The following TIPIN variants were observed in gnomAD, a reference collection of about 807,000 sequenced individuals.
The protein encoded by TIPIN is TIMELESS-interacting protein.
Under a neutral mutation model 35.6 loss-of-function variants are expected in TIPIN, and 29 were observed. That is an observed-to-expected ratio of 0.82 (90% CI 0.61 to 1.11). The LOEUF (loss-of-function observed/expected upper bound fraction) is 1.11, where lower values mean the gene tolerates loss of function less well. TIPIN is among the 50% of genes most tolerant of loss of function. The pLI, the probability that TIPIN is intolerant of heterozygous loss-of-function variation, is 0.00. For synonymous variants in TIPIN, 102 were observed against 121.5 expected (o/e 0.84, Z 1.06); for missense variants, 296 against 345.4 (o/e 0.86, Z 1.13).
At chr15:66,385,979 C>T (rs1239960394) in intron 1 of TIPIN, among the ~76,000 whole-genome samples, 1 of 151,946 alleles carries the variant, frequency 6.6e-6, no homozygotes, top group Non-Finnish European at 1.5e-5. Flanking sequence ...CTATGTTGCC[C>T]AGGCTAGTCT....
intron 1 of TIPIN, chr15:66,382,876 G>A: frequency 1.2e-6 from 1 of 833,442 alleles, no homozygotes; most frequent in South Asian, 5.5e-5. Context: ...TCTTATTCTT[G>A]TCTGTATGGT....
At chr15:66,364,731 C>A (rs1252397922) in intron 1 of TIPIN, among the ~76,000 whole-genome samples, 1 of 151,864 alleles carries the variant, frequency 6.6e-6, no homozygotes, top group Non-Finnish European at 1.5e-5. Flanking sequence ...CTTTGGGAGG[C>A]CGAGGCAGGC....
chr15:66,347,337 A>G (rs550413346), intron 6 of TIPIN: 1 of 511,544 alleles, frequency 2.0e-6, no homozygotes, highest in South Asian at 1.4e-5. Flanking sequence ...TACCAGGAAC[A>G]GTCACAAAGG....
chr15:66,379,557 T>G, intron 1 of TIPIN: 1 of 1,611,232 alleles, frequency 6.2e-7, no homozygotes, highest in Non-Finnish European at 8.5e-7. Flanking sequence ...GATGTATTTT[T>G]CACCCAAGAA....
intron 7 of TIPIN, among the ~76,000 whole-genome samples, chr15:66,339,288 T>TG (rs1022531689): frequency 7.9e-5 from 12 of 151,856 alleles, no homozygotes; most frequent in Non-Finnish European, 1.3e-4. Flanking sequence ...TTCTTTTTTT[T>TG]TTTGTAGAGA....
At chr15:66,352,330 A>G in intron 2 of TIPIN, 123 bp from the exon 3 acceptor site, 1 of 724,096 alleles carries the variant, frequency 1.4e-6, no homozygotes, top group Non-Finnish European at 2.2e-6. Context: ...ACAGGGTCTC[A>G]CTCTGTTGCC....
chr15:66,366,311 G>A (rs1445809035), intron 1 of TIPIN, among the ~76,000 whole-genome samples: 1 of 151,752 alleles, frequency 6.6e-6, no homozygotes, highest in Non-Finnish European at 1.5e-5. Context: ...AAAATTAGCT[G>A]GGCATGGTGG....
At chr15:66,385,275 C>T (rs1227500735) in intron 1 of TIPIN, among the ~76,000 whole-genome samples, 1 of 152,166 alleles carries the variant, frequency 6.6e-6, no homozygotes, top group Non-Finnish European at 1.5e-5. Flanking sequence ...GTCACCAACA[C>T]CTGGCTGTGG....
chr15:66,379,078 G>A (rs761589947), intron 1 of TIPIN, among the ~76,000 whole-genome samples: 1 of 151,622 alleles, frequency 6.6e-6, no homozygotes, highest in Non-Finnish European at 1.5e-5. Flanking sequence ...TTGTAGAGAT[G>A]GAGTCTTCCC....
Position 66,376,352 on chromosome 15 carries a change from C to T in TIPIN, c.-9+10255G>A, listed in dbSNP as rs184562716. On this transcript the variant is annotated intron_variant, in intron 1 of 7. Transcript: ENST00000562124. The stretch of plus-strand genomic sequence containing the variant: ...CAGACAGATTCCAGTTTCTTTTTTT[C>T]TGTTTTAAATAATGCTGCAGTAATC... Among the ~76,000 whole-genome samples the T allele has an allele frequency of 2.3e-3, 352 of 151,988 alleles. 1 individual carries two copies. The highest frequency in any genetic ancestry group is 7.6e-3 in the African/African-American group (317 of 41,456).
At chr15:66,338,736 C>T (rs2093062515) in intron 7 of TIPIN, among the ~76,000 whole-genome samples, 1 of 145,760 alleles carries the variant, frequency 6.9e-6, no homozygotes, top group African/African-American at 2.6e-5. Context: ...ATGGCATGGA[C>T]ACGGGAGGCG....
upstream of TIPIN, among the ~76,000 whole-genome samples, chr15:66,358,275 A>AT (rs1011974905): frequency 1.3e-5 from 2 of 152,004 alleles, no homozygotes; most frequent in Non-Finnish European, 2.9e-5. Flanking sequence ...CTTAACTATA[A>AT]TTTTTTTTGA....
chr15:66,359,042 CAA>C (rs759382097), upstream of TIPIN, among the ~76,000 whole-genome samples: 5 of 133,180 alleles, frequency 3.8e-5, no homozygotes, highest in Non-Finnish European at 4.9e-5. Flanking sequence ...GACTCTGTCT[CAA>C]AAAAAAAAAA....
At chr15:66,337,877 A>G (rs528158759) in intron 7 of TIPIN, among the ~76,000 whole-genome samples, 2 of 152,214 alleles carry the variant, frequency 1.3e-5, no homozygotes, top group South Asian at 4.1e-4. Flanking sequence ...ACCAAAAAAA[A>G]ACAAAAAAAA....
At chr15:66,380,612 A>G (rs759687263) in intron 1 of TIPIN, among the ~76,000 whole-genome samples, 1 of 151,396 alleles carries the variant, frequency 6.6e-6, no homozygotes, top group Non-Finnish European at 1.5e-5. Context: ...GTCAGGAGTT[A>G]GAGACCAGCC....
intron 1 of TIPIN, among the ~76,000 whole-genome samples, chr15:66,384,391 T>G (rs1219636517): frequency 6.6e-6 from 1 of 151,992 alleles, no homozygotes; most frequent in Non-Finnish European, 1.5e-5. Flanking sequence ...GCCTCCCTGG[T>G]TCAGGCAATT....
Position 66,337,136 on chromosome 15 carries a change from T to A in TIPIN, c.728A>T (p.Asn243Ile), listed in dbSNP as rs369278653. Residue 243 changes from asparagine (N) to isoleucine (I), a missense_variant, in exon 8 of 8, where the codon AAT (asparagine) becomes ATT (isoleucine). Asn to Ile is a moderately radical substitution (Grantham distance 149). Coordinates refer to ENST00000261881, the MANE Select transcript of TIPIN (RefSeq NM_017858.3). ...TPRAHTVEEV[N>I]TDEDQKEESN... is the part of the protein sequence containing the mutation. ...CTCCTCCTTTTGATCCTCATCAGTATTAACCTCTTCAACCGTGTGTGCCCT... is the reference window on the plus strand; with the variant it reads ...CTCCTCCTTTTGATCCTCATCAGTAATAACCTCTTCAACCGTGTGTGCCCT... The A allele has an allele frequency of 6.2e-6, 10 of 1,613,932 alleles. No individual in the cohort carries two copies. Among genetic ancestry groups the A allele is most frequent in the Non-Finnish European group, 8.5e-6 (10 of 1,180,012 alleles).
chr15:66,343,290 T>C (rs1159465253), intron 6 of TIPIN, among the ~76,000 whole-genome samples: 2 of 152,318 alleles, frequency 1.3e-5, no homozygotes, highest in East Asian at 3.9e-4. Flanking sequence ...ACATCATCCA[T>C]ATTATGAAAT....
chr15:66,375,813 C>T (rs2089544614), intron 1 of TIPIN, among the ~76,000 whole-genome samples: 1 of 145,692 alleles, frequency 6.9e-6, no homozygotes, highest in Non-Finnish European at 1.5e-5. Flanking sequence ...AGCACATATA[C>T]AAATATATTC....
Sources: allele counts gnomAD v4.1 joint callset (sites outside exome capture counted in the v4.1 genomes callset), GRCh38; gene constraint gnomAD v4.1.1; transcripts MANE v1.5; gene names NCBI Gene and HGNC (gene_info 2026-07-23, HGNC 2026-07-21).